AGAP1: variants seen among roughly 807,000 people sequenced by gnomAD.
AGAP1 encodes arf-GAP with GTPase, ANK repeat and PH domain-containing protein 1.
A neutral mutation model predicts 105.3 loss-of-function variants in AGAP1; 29 were observed. That is an observed-to-expected ratio of 0.28 (90% CI 0.21 to 0.38). The LOEUF is 0.38. Ranked by LOEUF, AGAP1 falls within the 10% of genes least tolerant of loss-of-function variation. The pLI is 1.00. For missense variants in AGAP1, 998 were observed against 1,165.1 expected, an observed-to-expected ratio of 0.86 and a Z score of 2.09; for synonymous variants, 509 against 485.9, an observed-to-expected ratio of 1.05 and a Z score of -0.63.
intron 1 of AGAP1, among the ~76,000 whole-genome samples, chr2:235,677,767 C>T (rs531791042): frequency 9.9e-5 from 15 of 151,868 alleles, no homozygotes; most frequent in African/African-American, 2.9e-4. Context: ...TGAACAATGC[C>T]GCCAGCCTTT....
rs895727740 is a variant in AGAP1, at chr2:235,989,543, G to A, written c.1645+20920G>A. ...GGCAGGGCCTGGGCACACTGGTGGC[G>A]TAGCTGAGGGGCTGCCTGCGTGCAA... On this transcript the variant is annotated intron_variant, in intron 13 of 17. Transcript: ENST00000304032. This position sits in a 1 kb window ranked among gnomAD's most constrained non-coding sequence, Gnocchi z 4.4. Among the ~76,000 whole-genome samples the A allele has an allele frequency of 1.3e-4, 20 of 152,304 alleles. No homozygotes were observed. Among genetic ancestry groups the A allele is most frequent in the African/African-American group, 2.9e-4 (12 of 41,578 alleles).
chr2:235,575,077 C>T (rs1865948), intron 1 of AGAP1, among the ~76,000 whole-genome samples: 83,138 of 151,758 alleles, frequency 0.55, 23,381 homozygotes, highest in African/African-American at 0.67. Context: ...GAGCCACGAT[C>T]GTACCACTGC....
At position 235,906,709 on chromosome 2, in the gene AGAP1, A is replaced by AG. The variant is rs1412306555; in HGVS notation, c.1156-2028dup. On this transcript the variant is annotated intron_variant, in intron 10 of 17. Coordinates refer to ENST00000304032, the MANE Select transcript of AGAP1 (RefSeq NM_001037131.3). The surrounding 1 kb of genome is among the most constrained non-coding windows in gnomAD (Gnocchi z 5.3). ...GACCATGGTTGGGCAGGGAGAAAACAGCTCTTCTCATCCTCTGCCCTGAGG... is the reference window on the plus strand; with the variant it reads ...GACCATGGTTGGGCAGGGAGAAAACAGGCTCTTCTCATCCTCTGCCCTGAGG... Among the ~76,000 whole-genome samples, 1 of 150,322 alleles carries AG rather than the reference A, an allele frequency of 6.7e-6. No individual in the cohort carries two copies. The highest frequency in any genetic ancestry group is 2.5e-5 in the African/African-American group (1 of 39,746).
intron 8 of AGAP1, among the ~76,000 whole-genome samples, chr2:235,806,752 A>G (rs1020486006): frequency 6.6e-6 from 1 of 152,260 alleles, no homozygotes; most frequent in Non-Finnish European, 1.5e-5. Context: ...AAATGTTAAC[A>G]GCACCTTGAT....
rs1413775959 is a variant in AGAP1 at position 235,987,719 on chromosome 2, T to C, written c.1645+19096T>C. Among the ~76,000 whole-genome samples, 5 of 152,192 alleles carry C rather than the reference T, an allele frequency of 3.3e-5. No individual in the cohort carries two copies. The East Asian group carries it at 9.6e-4, about 29-fold the overall frequency. On this transcript the variant is annotated intron_variant, in intron 13 of 17. Coordinates refer to ENST00000304032, the MANE Select transcript of AGAP1 (RefSeq NM_001037131.3). Reference sequence around the variant, plus strand: ...CTGGTAAGTTATCTCTTTGTTCTCATTGGTTTCAAATAACTTCTTGATTTC... The same window carrying C: ...CTGGTAAGTTATCTCTTTGTTCTCACTGGTTTCAAATAACTTCTTGATTTC...
chr2:235,651,536 C>T (rs535061549), intron 1 of AGAP1, among the ~76,000 whole-genome samples: 120 of 152,186 alleles, frequency 7.9e-4, no homozygotes, highest in Non-Finnish European at 8.7e-4. Context: ...TAATCTGAAA[C>T]GCTCTTATTG....
At position 235,788,307 on chromosome 2, in the gene AGAP1, A is replaced by G. The variant is rs1371158715; in HGVS notation, c.674-9452A>G. On this transcript the variant is annotated intron_variant, in intron 6 of 17. Coordinates refer to ENST00000304032, the MANE Select transcript of AGAP1 (RefSeq NM_001037131.3). The surrounding 1 kb of genome is among the most constrained non-coding windows in gnomAD (Gnocchi z 6.0). ...AAACTCCTAATCCCTAAGGATAGGA[A>G]AAGACCTAGAAGATTTGAGGATTTT... is the stretch of plus-strand genomic sequence containing the variant. Among the ~76,000 whole-genome samples the G allele has an allele frequency of 6.6e-6, 1 of 152,202 alleles. No homozygotes were observed. Among genetic ancestry groups the G allele is most frequent in the East Asian group, 1.9e-4 (1 of 5,194 alleles).
At chr2:235,938,372 C>G (rs116658146) in intron 12 of AGAP1, among the ~76,000 whole-genome samples, 1,540 of 152,292 alleles carry the variant, frequency 0.01, 24 homozygotes, top group African/African-American at 0.035. Context: ...CCCACCCGAC[C>G]GCCTCCAAGA....
chr2:235,919,761 G>A lies in AGAP1; in HGVS notation c.1324+10855G>A, dbSNP rs200655427. On this transcript the variant is annotated intron_variant, in intron 11 of 17. Coordinates refer to ENST00000304032, the MANE Select transcript of AGAP1 (RefSeq NM_001037131.3). The surrounding 1 kb of genome is among the most constrained non-coding windows in gnomAD (Gnocchi z 4.1). ...TATCATATAAAGGAGAAAGAATATTGTAAAGATGGAACCGTTATTCATGGC... is the reference window on the plus strand; with the variant it reads ...TATCATATAAAGGAGAAAGAATATTATAAAGATGGAACCGTTATTCATGGC... 3.3e-5 allele frequency among the ~76,000 whole-genome samples: 5 copies of A among 152,130 alleles called. No individual in the cohort carries two copies. The highest frequency in any genetic ancestry group is 1.9e-4 in the East Asian group (1 of 5,190).
chr2:235,925,554 C>T (rs1333747949), intron 11 of AGAP1, among the ~76,000 whole-genome samples: 1 of 152,192 alleles, frequency 6.6e-6, no homozygotes, highest in Admixed American at 6.5e-5. Context: ...TATTAGCCTT[C>T]CTGAACTGGC....
Position 235,657,261 on chromosome 2 carries a change from C to T in AGAP1, c.164-51918C>T, listed in dbSNP as rs528128109. 7.2e-4 allele frequency among the ~76,000 whole-genome samples: 109 copies of T among 152,322 alleles called. 1 individual carries two copies. The highest frequency in any genetic ancestry group is 3.7e-3 in the South Asian group (18 of 4,812). ...AGCCCTGGAGTTGAGTTGTTCAATG[C>T]ATGACCTTGTTTATGTCGCTATTTG... is the stretch of plus-strand genomic sequence containing the variant. On this transcript the variant is annotated intron_variant, in intron 1 of 17. Coordinates refer to ENST00000304032, the MANE Select transcript of AGAP1 (RefSeq NM_001037131.3).
intron 13 of AGAP1, among the ~76,000 whole-genome samples, chr2:236,013,093 C>T (rs1031176091): frequency 6.6e-6 from 1 of 152,170 alleles, no homozygotes. Flanking sequence ...TTAGTTATAA[C>T]AAGTTAATAT....
rs776293578 is a variant in AGAP1 at position 236,049,294 on chromosome 2, G to T, written c.2114+13G>T. The T allele has an allele frequency of 6.2e-7, 1 of 1,603,304 alleles. No individual in the cohort carries two copies. Among genetic ancestry groups the T allele is most frequent in the Non-Finnish European group, 8.5e-7 (1 of 1,171,192 alleles). On this transcript the variant is annotated intron_variant, in intron 16 of 17. Transcript: ENST00000304032. The stretch of plus-strand genomic sequence containing the variant: ...TAGACTCCACAAGGTAGGAACTTTG[G>T]AAGATGCCTGGCTCCCGACACGTTT...
intron 1 of AGAP1, among the ~76,000 whole-genome samples, chr2:235,565,413 A>C (rs527922595): frequency 7.9e-5 from 12 of 152,306 alleles, no homozygotes; most frequent in Admixed American, 7.2e-4. Context: ...GTACTTTAAC[A>C]AGTTCATCTT....
rs11901925 is a variant in AGAP1, at chr2:236,020,065, G to T, written c.1646-16496G>T. Among the ~76,000 whole-genome samples, 1,792 of 152,246 alleles carry T rather than the reference G, an allele frequency of 0.012. 36 individuals carry two copies. The highest frequency in any genetic ancestry group is 0.041 in the African/African-American group (1,695 of 41,534). On this transcript the variant is annotated intron_variant, in intron 13 of 17. Coordinates refer to ENST00000304032, the MANE Select transcript of AGAP1 (RefSeq NM_001037131.3). The surrounding 1 kb of genome is among the most constrained non-coding windows in gnomAD (Gnocchi z 5.0). ...CCAGATCTTAACTCAGGTGGTCTTGGTTCAGTCCCACATCCCCACTTCATA... is the reference window on the plus strand; with the variant it reads ...CCAGATCTTAACTCAGGTGGTCTTGTTTCAGTCCCACATCCCCACTTCATA...
intron 9 of AGAP1, among the ~76,000 whole-genome samples, chr2:235,849,963 C>A (rs140530203): frequency 6.6e-6 from 1 of 152,230 alleles, no homozygotes; most frequent in African/African-American, 2.4e-5. Flanking sequence ...CCCTCTCAGC[C>A]TTCTTCATAG....
chr2:235,923,832 A>G (rs770890976), intron 11 of AGAP1, among the ~76,000 whole-genome samples: 2 of 152,234 alleles, frequency 1.3e-5, no homozygotes, highest in African/African-American at 2.4e-5. Context: ...GTGCATCTGT[A>G]TGATTTAAAT....
intron 1 of AGAP1, among the ~76,000 whole-genome samples, chr2:235,683,919 C>T (rs1275161174): frequency 6.6e-6 from 1 of 151,684 alleles, no homozygotes; most frequent in Admixed American, 6.6e-5. Context: ...CATTTTTCAC[C>T]TCCCACCTAT....
At chr2:235,910,903 A>ATGT (rs71036299) in intron 11 of AGAP1, among the ~76,000 whole-genome samples, 1 of 149,378 alleles carries the variant, frequency 6.7e-6, no homozygotes, top group Non-Finnish European at 1.5e-5. Context: ...CGACAGAGTG[A>ATGT]GACTCCGTCT....
Sources: allele counts gnomAD v4.1 joint callset (sites outside exome capture counted in the v4.1 genomes callset), GRCh38; gene constraint gnomAD v4.1.1; non-coding constraint Gnocchi (gnomAD v3.1); transcripts MANE v1.5; gene names NCBI Gene and HGNC (gene_info 2026-07-23, HGNC 2026-07-21).